SHISA8: variants seen among roughly 807,000 people sequenced by gnomAD.
SHISA8 encodes shisa family member 8.
In SHISA8, 21 loss-of-function variants were observed where a neutral mutation model predicts 21.1. That is an observed-to-expected ratio of 0.99 (90% CI 0.71 to 1.43). SHISA8 has a LOEUF of 1.43. Among genes scored for constraint, SHISA8 ranks in the 40% most tolerant of loss-of-function variants. SHISA8 has a pLI of 0.00. For synonymous variants in SHISA8, 300 were observed against 291.4 expected, an observed-to-expected ratio of 1.03 and a Z score of -0.30; for missense variants, 535 against 599.1, an observed-to-expected ratio of 0.89 and a Z score of 1.12.
chr22:41,909,791 T>TG lies in SHISA8; in HGVS notation c.1167dup (p.Asn390GlnfsTer2). 6.7e-7 allele frequency: 1 copy of TG among 1,498,266 alleles called. No individual in the cohort carries two copies. Among genetic ancestry groups the TG allele is most frequent in the Non-Finnish European group, 8.9e-7 (1 of 1,128,758 alleles). The allele number at this position is 1,498,266 out of a possible 1,614,324, so 92.8% of individuals were successfully genotyped here. A position where few individuals can be genotyped will look rare whatever the true frequency, so the allele number is the denominator to read the frequency against. On this transcript the variant is annotated frameshift_variant, in exon 4 of 4. Transcript: ENST00000621082. LOFTEE classifies it high-confidence loss of function. ...CACACGGTGACCTCGGTCTTGCTAT[T>TG]GGTCCTTAGGTACCGGGACCCGCGG...
At chr22:41,913,989 T>TG (rs10708799) in intron 1 of SHISA8, 149 bp downstream of exon 1, 15 of 789,980 alleles carry the variant, frequency 1.9e-5, no homozygotes, top group Admixed American at 4.5e-5. Flanking sequence ...GATGAAGTGT[T>TG]GGGGGGGCGG....
At position 41,913,998 on chromosome 22, in the gene SHISA8, G is replaced by A. The variant is rs1053677755; in HGVS notation, c.530+140C>T. 3.7e-5 allele frequency: 33 copies of A among 894,876 alleles called. No homozygotes were observed. In the East Asian group the frequency reaches 8.3e-4, roughly 23 times the overall value. 55.4% of individuals were successfully genotyped at this position (894,876 alleles called of 1,614,324 possible). On this transcript the variant is annotated intron_variant, in intron 1 of 3. Transcript: ENST00000621082. ...CTCCCTGATGAAGTGTTGGGGGGGC[G>A]GCGGGGGGAGAAGGAGACAGGAAAA...
rs932558568 is a variant in SHISA8, at chr22:41,910,731, C to T, written c.665-177G>A. 1.3e-5 allele frequency among the ~76,000 whole-genome samples: 2 copies of T among 152,162 alleles called. No individual in the cohort carries two copies. Among genetic ancestry groups the T allele is most frequent in the Non-Finnish European group, 2.9e-5 (2 of 68,014 alleles). On this transcript the variant is annotated intron_variant, in intron 2 of 3. Coordinates refer to ENST00000621082, the MANE Select transcript of SHISA8 (RefSeq NM_001207020.3). The surrounding 1 kb of genome is among the most constrained non-coding windows in gnomAD (Gnocchi z 6.8). ...GCAGCCTCCAGCGCCTGGAACAGGG[C>T]CTGGCTCCGAGTCACGCGCAGCGGC... is the stretch of plus-strand genomic sequence containing the variant.
chr22:41,910,063 G>T lies in SHISA8; in HGVS notation c.896C>A (p.Ser299Tyr). The change falls in exon 4 of 4, where the codon TCC becomes TAC. Residue 299 changes from serine (S) to tyrosine (Y), a missense_variant. Transcript: ENST00000621082. This position sits in a 1 kb window ranked among gnomAD's most constrained non-coding sequence, Gnocchi z 6.8. ...GTCCAGCGGCGCAGGCAAGTCCGGGGATGGTCGCGGAGCCCGCGCCGGGGG... is the reference window on the plus strand; with the variant it reads ...GTCCAGCGGCGCAGGCAAGTCCGGGTATGGTCGCGGAGCCCGCGCCGGGGG... Reference protein sequence around the residue: ...RQPPARAPRPSPDLPAPLDAC... With the variant: ...RQPPARAPRPYPDLPAPLDAC... The T allele has an allele frequency of 1.6e-6, 2 of 1,243,716 alleles. No homozygotes were observed. The allele number at this position is 1,243,716 out of a possible 1,614,324, so 77.0% of individuals were successfully genotyped here.
Position 41,909,753 on chromosome 22 carries a change from C to T in SHISA8, c.*12G>A, listed in dbSNP as rs1447052915. 6.2e-6 allele frequency: 9 copies of T among 1,442,506 alleles called. No individual in the cohort carries two copies. The South Asian group carries it at 1.2e-4, about 20-fold the overall frequency. 89.4% of individuals were successfully genotyped at this position (1,442,506 alleles called of 1,614,324 possible). On this transcript the variant is annotated 3_prime_UTR_variant, in exon 4 of 4. Coordinates refer to ENST00000621082, the MANE Select transcript of SHISA8 (RefSeq NM_001207020.3). ...ACCCCAGCCCATGCCTCGAGGGCAC[C>T]GCGGCCCCGCTTCACACGGTGACCT... is the stretch of plus-strand genomic sequence containing the variant.
In SHISA8 at chr22:41,914,730, C is replaced by G. The variant is rs2077576309; in HGVS notation, c.-63G>C. The G allele has an allele frequency of 1.0e-6, 1 of 989,090 alleles. No homozygotes were observed. The highest frequency in any genetic ancestry group is 1.2e-6 in the Non-Finnish European group (1 of 828,612). The allele number at this position is 989,090 out of a possible 1,614,324, so 61.3% of individuals were successfully genotyped here. A position where few individuals can be genotyped will look rare whatever the true frequency, so the allele number is the denominator to read the frequency against. ...CCGGGCGCCGCGGCTCCCTCCGGCT[C>G]GGCTCCTCCGCTCCCGCAGGGATCG... On this transcript the variant is annotated 5_prime_UTR_variant, in exon 1 of 4. Coordinates refer to ENST00000621082, the MANE Select transcript of SHISA8 (RefSeq NM_001207020.3). This position sits in a 1 kb window ranked among gnomAD's most constrained non-coding sequence, Gnocchi z 6.8.
At position 41,910,255 on chromosome 22, in the gene SHISA8, C is replaced by T; in HGVS notation, c.812-108G>A. On this transcript the variant is annotated intron_variant, in intron 3 of 3. Coordinates refer to ENST00000621082, the MANE Select transcript of SHISA8 (RefSeq NM_001207020.3). This position sits in a 1 kb window ranked among gnomAD's most constrained non-coding sequence, Gnocchi z 6.8. The stretch of plus-strand genomic sequence containing the variant: ...GGACGGGGACCGGGCCGGGGCGGGC[C>T]GGGGGCGGGGCCCGCTGGGGCGAGG... 1.6e-6 allele frequency: 2 copies of T among 1,224,540 alleles called. No individual in the cohort carries two copies. Among genetic ancestry groups the T allele is most frequent in the South Asian group, 7.4e-5 (2 of 26,882 alleles). 75.9% of individuals were successfully genotyped at this position (1,224,540 alleles called of 1,614,324 possible).
rs74421113 is a variant in SHISA8 at position 41,913,166 on chromosome 22, G to A, written c.530+972C>T. ...GGGCTACGTGGTTTCGGGAGCGAGG[G>A]GTGCTGAAGTGCCAAGGAAGCCCTC... On this transcript the variant is annotated intron_variant, in intron 1 of 3. Coordinates refer to ENST00000621082, the MANE Select transcript of SHISA8 (RefSeq NM_001207020.3). Among the ~76,000 whole-genome samples, 615 of 152,364 alleles carry A rather than the reference G, an allele frequency of 4.0e-3. 1 individual carries two copies. The highest frequency in any genetic ancestry group is 0.014 in the African/African-American group (589 of 41,578).
chr22:41,911,648 C>T (rs2077554218), intron 1 of SHISA8, among the ~76,000 whole-genome samples: 1 of 152,214 alleles, frequency 6.6e-6, no homozygotes, highest in South Asian at 2.1e-4. Context: ...AGCCTCCCCT[C>T]CCAATGCGAG....
chr22:41,913,260 C>G (rs997907211), intron 1 of SHISA8, among the ~76,000 whole-genome samples: 1 of 152,248 alleles, frequency 6.6e-6, no homozygotes, highest in Non-Finnish European at 1.5e-5. Context: ...GAAGGCTTCT[C>G]TATGGTCACT....
intron 1 of SHISA8, among the ~76,000 whole-genome samples, chr22:41,912,806 G>A (rs1367942148): frequency 2.6e-5 from 4 of 152,214 alleles, no homozygotes; most frequent in African/African-American, 9.6e-5. Flanking sequence ...GCAAGGGTGG[G>A]CATGGCTTTC....
rs754607500 is a variant in SHISA8 at position 41,911,289 on chromosome 22, G to A, written c.591C>T (p.Gly197=). ...GPQEPLPPTL[G]PPLGGCVQVQ... is the part of the protein sequence containing the mutation. ...CCTGGACACAGCCACCCAGGGGTGG[G>A]CCCAGGGTGGGAGGCAGTGGCTCCT... Residue 197 remains glycine, a synonymous_variant, in exon 2 of 4, where the codon GGC becomes GGT. Transcript: ENST00000621082. 5.8e-5 allele frequency: 73 copies of A among 1,252,486 alleles called. No homozygotes were observed. Among genetic ancestry groups the A allele is most frequent in the Non-Finnish European group, 6.8e-5 (68 of 997,970 alleles). 77.6% of individuals were successfully genotyped at this position (1,252,486 alleles called of 1,614,324 possible).
rs1355900165 is a variant in SHISA8 at position 41,914,104 on chromosome 22, A to G, written c.530+34T>C. The G allele has an allele frequency of 7.3e-7, 1 of 1,372,950 alleles. No homozygotes were observed. The highest frequency in any genetic ancestry group is 9.3e-7 in the Non-Finnish European group (1 of 1,070,392). 85.0% of individuals were successfully genotyped at this position (1,372,950 alleles called of 1,614,324 possible). A position where few individuals can be genotyped will look rare whatever the true frequency, so the allele number is the denominator to read the frequency against. On this transcript the variant is annotated intron_variant, in intron 1 of 3. Transcript: ENST00000621082. The surrounding 1 kb of genome is among the most constrained non-coding windows in gnomAD (Gnocchi z 6.8). ...AGCGGGCAGGGAGAGCAGTCCGAGG[A>G]GCAGGCGGGGGTCCCTGGGCGGCGC...
chr22:41,909,578 G>A lies in SHISA8; in HGVS notation c.*187C>T, dbSNP rs549334858. On this transcript the variant is annotated 3_prime_UTR_variant, in exon 4 of 4. Transcript: ENST00000621082. ...CCACGCTGGGGCTTCTTTATTCTCA[G>A]GGGCAGGAACCACATAAAAGGGCTT... 27 of 707,700 alleles carry A rather than the reference G, an allele frequency of 3.8e-5. No individual in the cohort carries two copies. In the South Asian group the frequency reaches 1.3e-3, roughly 34 times the overall value. The allele number at this position is 707,700 out of a possible 1,614,324, so 43.8% of individuals were successfully genotyped here.
chr22:41,912,835 T>G (rs2077561053), intron 1 of SHISA8, among the ~76,000 whole-genome samples: 1 of 152,180 alleles, frequency 6.6e-6, no homozygotes, highest in Non-Finnish European at 1.5e-5. Flanking sequence ...TCACCAAACC[T>G]GCTGCCCCAT....
chr22:41,911,265 C>A lies in SHISA8; in HGVS notation c.615G>T (p.Gln205His). ...TLGPPLGGCV[Q>H]VQMGDGLPRG... Reference sequence around the variant, plus strand: ...GGGGGAGGCCGTCCCCCATCTGCACCTGGACACAGCCACCCAGGGGTGGGC... The same window carrying A: ...GGGGGAGGCCGTCCCCCATCTGCACATGGACACAGCCACCCAGGGGTGGGC... The change falls in exon 2 of 4, where the codon CAG (glutamine) becomes CAT (histidine). Residue 205 changes from glutamine to histidine, a missense_variant. Gln to His is a conservative substitution (Grantham distance 24, BLOSUM62 0). Coordinates refer to ENST00000621082, the MANE Select transcript of SHISA8 (RefSeq NM_001207020.3). 1 of 1,273,670 alleles carries A rather than the reference C, an allele frequency of 7.9e-7. No homozygotes were observed. The highest frequency in any genetic ancestry group is 9.9e-7 in the Non-Finnish European group (1 of 1,009,776). The allele number at this position is 1,273,670 out of a possible 1,614,324, so 78.9% of individuals were successfully genotyped here.
At chr22:41,911,447 T>G in intron 1 of SHISA8, 98 bp from the exon 2 acceptor site, 1 of 1,210,682 alleles carries the variant, frequency 8.3e-7, no homozygotes, top group African/African-American at 1.6e-5. Flanking sequence ...GGGCAGTTCT[T>G]TCGGCCTCTC....
rs890807483 is a variant in SHISA8, at chr22:41,914,650, C to A, written c.18G>T (p.Ala6=). 9.8e-7 allele frequency: 1 copy of A among 1,020,442 alleles called. No homozygotes were observed. Among genetic ancestry groups the A allele is most frequent in the Non-Finnish European group, 1.2e-6 (1 of 854,868 alleles). 63.2% of individuals were successfully genotyped at this position (1,020,442 alleles called of 1,614,324 possible). Residue 6 remains alanine, a synonymous_variant, in exon 1 of 4, where the codon GCG becomes GCT. Transcript: ENST00000621082. This position sits in a 1 kb window ranked among gnomAD's most constrained non-coding sequence, Gnocchi z 6.8. ...GACGGCGGCCGCCGAGCAGTCCCCGCGCCCCGGCCCGCGCCATCGGGCCCG... is the reference window on the plus strand; with the variant it reads ...GACGGCGGCCGCCGAGCAGTCCCCGAGCCCCGGCCCGCGCCATCGGGCCCG... MARAG[A]RGLLGGRRPP... is the part of the protein sequence containing the mutation.
intron 1 of SHISA8, among the ~76,000 whole-genome samples, chr22:41,912,039 CTTATTT>C (rs1443592537): frequency 6.6e-6 from 1 of 152,210 alleles, no homozygotes; most frequent in East Asian, 1.9e-4. Context: ...CCCAGGATGC[CTTATTT>C]ACCTGCCTGC....
Sources: allele counts gnomAD v4.1 joint callset (sites outside exome capture counted in the v4.1 genomes callset), GRCh38; gene constraint gnomAD v4.1.1; non-coding constraint Gnocchi (gnomAD v3.1); transcripts MANE v1.5; gene names NCBI Gene and HGNC (gene_info 2026-07-23, HGNC 2026-07-21).